The following NME9 variants were observed in gnomAD, a reference collection of about 807,000 sequenced individuals.
NME9 encodes thioredoxin domain-containing protein 6.
Under a neutral mutation model 44.4 loss-of-function variants are expected in NME9, and 48 were observed. The ratio of observed to expected loss-of-function variants is 1.08; its 90% CI spans 0.86 to 1.37. NME9 has a LOEUF of 1.37. NME9 is among the 40% of genes most tolerant of loss of function. The pLI, the probability that NME9 is intolerant of heterozygous loss-of-function variation, is 0.00. For synonymous variants in NME9, 139 were observed against 147.1 expected, an observed-to-expected ratio of 0.94 and a Z score of 0.40; for missense variants, 325 against 405.2, an observed-to-expected ratio of 0.80 and a Z score of 1.70.
At chr3:138,317,369 T>C (rs1257336564) in intron 4 of NME9, among the ~76,000 whole-genome samples, 1 of 152,288 alleles carries the variant, frequency 6.6e-6, no homozygotes, top group East Asian at 1.9e-4. Context: ...CCTGGTTGAG[T>C]AGATCCCAGT....
chr3:138,300,458 A>G (rs536100366), downstream of NME9, among the ~76,000 whole-genome samples: 4 of 152,362 alleles, frequency 2.6e-5, no homozygotes, highest in African/African-American at 9.6e-5. Flanking sequence ...TTCGTGGTGT[A>G]GAAAATGGCC....
chr3:138,303,348 TAATC>T (rs776997692), intron 10 of NME9, 155 bp downstream of exon 10: 8 of 525,304 alleles, frequency 1.5e-5, no homozygotes, highest in Admixed American at 1.5e-4. Context: ...TTAGTATTGA[TAATC>T]AAGTTATATA....
chr3:138,264,371 T>A (rs1401031572), intron 8 of NME9, among the ~76,000 whole-genome samples: 1 of 151,190 alleles, frequency 6.6e-6, no homozygotes, highest in Non-Finnish European at 1.5e-5. Context: ...CATCTACAAA[T>A]GCTTCATGTG....
At chr3:138,262,313 A>G in exon 9 of NME9, 2 of 521,904 alleles carry the variant, frequency 3.8e-6, no homozygotes, top group Non-Finnish European at 3.4e-6. Flanking sequence ...GGTTTGGTCT[A>G]GGGCGAGGAG....
At chr3:138,266,039 A>G (rs746899699) in intron 8 of NME9, among the ~76,000 whole-genome samples, 31 of 152,248 alleles carry the variant, frequency 2.0e-4, no homozygotes, top group Non-Finnish European at 4.0e-4. Flanking sequence ...GTGTCACAAT[A>G]TGGTCTTATG....
chr3:138,268,621 TAAAC>T (rs1442558371), intron 8 of NME9, among the ~76,000 whole-genome samples: 1 of 152,032 alleles, frequency 6.6e-6, no homozygotes, highest in Non-Finnish European at 1.5e-5. Flanking sequence ...TACTAAAAAT[TAAAC>T]AATCAACCAG....
intron 8 of NME9, chr3:138,273,115 C>G: frequency 6.2e-7 from 1 of 1,600,954 alleles, no homozygotes; most frequent in Non-Finnish European, 8.5e-7. Context: ...TCCACTCGTC[C>G]TGTAAGTAAA....
At chr3:138,273,417 G>A (rs2048970013) in intron 8 of NME9, among the ~76,000 whole-genome samples, 1 of 152,134 alleles carries the variant, frequency 6.6e-6, no homozygotes, top group African/African-American at 2.4e-5. Context: ...TTCTTACCTG[G>A]TATGCTGTCC....
At chr3:138,292,986 T>C (rs2051116330) in intron 8 of NME9, among the ~76,000 whole-genome samples, 1 of 152,162 alleles carries the variant, frequency 6.6e-6, no homozygotes. Flanking sequence ...TCAAAACTCA[T>C]ATCAGGTTGC....
chr3:138,328,747 C>T (rs1222516315), intron 1 of NME9, among the ~76,000 whole-genome samples: 1 of 152,176 alleles, frequency 6.6e-6, no homozygotes, highest in Non-Finnish European at 1.5e-5. Context: ...TCTGAATTCA[C>T]TTGTCCCACA....
chr3:138,295,730 TG>T, intron 8 of NME9: 1 of 957,654 alleles, frequency 1.0e-6, no homozygotes, highest in Non-Finnish European at 1.6e-6. Context: ...GGTGCCCACC[TG>T]GGCTCACCCC....
chr3:138,273,900 T>G (rs2049017289), intron 8 of NME9, among the ~76,000 whole-genome samples: 1 of 151,090 alleles, frequency 6.6e-6, no homozygotes, highest in African/African-American at 2.4e-5. Context: ...CATTGCAACC[T>G]CCACTTCCCG....
chr3:138,265,674 T>C (rs1264515497), intron 8 of NME9, among the ~76,000 whole-genome samples: 1 of 152,094 alleles, frequency 6.6e-6, no homozygotes, highest in Admixed American at 6.5e-5. Flanking sequence ...AGGAGAAACA[T>C]TATGTATGGT....
intron 8 of NME9, chr3:138,274,546 T>TA: frequency 6.2e-7 from 1 of 1,604,262 alleles, no homozygotes; most frequent in South Asian, 1.1e-5. Context: ...AAAGAGCAGG[T>TA]ACGTTGTTCC....
rs376375211 is a variant in NME9, at chr3:138,284,449, A to C, written c.745+19058T>G. 3 of 1,613,528 alleles carry C rather than the reference A, an allele frequency of 1.9e-6. No individual in the cohort carries two copies. The African/African-American group carries it at 4.0e-5, about 22-fold the overall frequency. On this transcript the variant is annotated intron_variant, in intron 8 of 8. Transcript: ENST00000317876. The stretch of plus-strand genomic sequence containing the variant: ...TTTCCAGACACTGTGCATCTTAGCC[A>C]ACATAGCGGATGGGACAACAGCAAA...
chr3:138,267,419 C>A (rs1342020367), intron 8 of NME9, among the ~76,000 whole-genome samples: 3 of 152,196 alleles, frequency 2.0e-5, no homozygotes, highest in Non-Finnish European at 2.9e-5. Flanking sequence ...GTACGGTTAT[C>A]ATTTCCCATT....
At chr3:138,281,386 A>G (rs1394664007) in intron 8 of NME9, among the ~76,000 whole-genome samples, 1 of 150,816 alleles carries the variant, frequency 6.6e-6, no homozygotes, top group Non-Finnish European at 1.5e-5. Context: ...TTTGGCTCCC[A>G]GGTTTAATAG....
intron 2 of NME9, 109 bp from the exon 3 acceptor site, chr3:138,319,690 C>A (rs539608527): frequency 3.0e-6 from 2 of 662,232 alleles, no homozygotes; most frequent in Admixed American, 2.3e-5. Flanking sequence ...ATTCATTTGC[C>A]GGGATATCTA....
intron 8 of NME9, among the ~76,000 whole-genome samples, chr3:138,291,570 A>T (rs1337488554): frequency 6.6e-6 from 1 of 152,252 alleles, no homozygotes; most frequent in Non-Finnish European, 1.5e-5. Flanking sequence ...AAGATAGATG[A>T]TAAGCAAATG....
Sources: gnomAD v4.1 joint callset for allele counts (sites outside exome capture counted in the v4.1 genomes callset) on GRCh38, gnomAD v4.1.1 for gene constraint, MANE v1.5 for transcripts, NCBI Gene and HGNC (gene_info 2026-07-23, HGNC 2026-07-21) for gene names.